TG: variants seen among roughly 807,000 people sequenced by gnomAD.
TG encodes the protein thyroglobulin.
TG carries 270 observed loss-of-function variants against 324.7 expected under a neutral mutation model. The ratio of observed to expected loss-of-function variants is 0.83; its 90% CI spans 0.75 to 0.92. TG has a LOEUF of 0.92. TG is among the 40% of genes least tolerant of loss of function. The pLI is 0.00. For missense variants in TG, 3,591 were observed against 3,456.4 expected, an observed-to-expected ratio of 1.04 and a Z score of -0.98; for synonymous variants, 1,401 against 1,327.0, an observed-to-expected ratio of 1.06 and a Z score of -1.21.
intron 45 of TG, among the ~76,000 whole-genome samples, chr8:133,127,103 C>T (rs1851580240): frequency 6.6e-6 from 1 of 152,154 alleles, no homozygotes; most frequent in Non-Finnish European, 1.5e-5. Flanking sequence ...ATGGCTTCCC[C>T]ATGCAAAACA....
intron 34 of TG, among the ~76,000 whole-genome samples, chr8:132,981,718 C>G (rs1830874894): frequency 6.6e-6 from 1 of 152,238 alleles, no homozygotes; most frequent in Non-Finnish European, 1.5e-5. Context: ...GAATCAGACA[C>G]TCTGGGGTGG....
intron 41 of TG, chr8:133,049,887 G>C (rs1273333963): frequency 1.2e-5 from 19 of 1,538,188 alleles, no homozygotes; most frequent in Non-Finnish European, 1.7e-5. Flanking sequence ...GCTGCCATTT[G>C]AGAAATGTAC....
Position 133,029,341 on chromosome 8 carries a change from G to A in TG, c.7037-480G>A, listed in dbSNP as rs185890847. On this transcript the variant is annotated intron_variant, in intron 40 of 47. Coordinates refer to ENST00000220616, the MANE Select transcript of TG (RefSeq NM_003235.5). Reference sequence around the variant, plus strand: ...TAAAGGCTTCAGATGATGAGGTGAGGGGAAGGGTGGGATCCAGAGCTCCAG... The same window carrying A: ...TAAAGGCTTCAGATGATGAGGTGAGAGGAAGGGTGGGATCCAGAGCTCCAG... Among the ~76,000 whole-genome samples, 326 of 152,232 alleles carry A rather than the reference G, an allele frequency of 2.1e-3. 1 individual carries two copies. The highest frequency in any genetic ancestry group is 7.5e-3 in the African/African-American group (311 of 41,552).
intron 41 of TG, among the ~76,000 whole-genome samples, chr8:133,032,618 T>C (rs1233021435): frequency 6.6e-6 from 1 of 152,250 alleles, no homozygotes; most frequent in Non-Finnish European, 1.5e-5. Context: ...TTATTTGGAA[T>C]TGAGAGAACT....
chr8:133,001,108 T>A lies in TG; in HGVS notation c.6263-10793T>A, dbSNP rs6986262. Among the ~76,000 whole-genome samples the A allele has an allele frequency of 3.8e-3, 584 of 152,248 alleles. 6 individuals carry two copies. Among genetic ancestry groups the A allele is most frequent in the African/African-American group, 0.013 (551 of 41,526 alleles). ...TTTTACAAGGACACCAGACCACCAT[T>A]GGATTAAGGCCTACTCTAATGAACT... On this transcript the variant is annotated intron_variant, in intron 35 of 47. Transcript: ENST00000220616.
intron 43 of TG, among the ~76,000 whole-genome samples, chr8:133,097,960 G>A (rs774466195): frequency 6.6e-6 from 1 of 152,180 alleles, no homozygotes; most frequent in Non-Finnish European, 1.5e-5. Context: ...GTGAGTGTGT[G>A]TGTGTTGCAA....
At chr8:132,976,203 G>C (rs940926751) in intron 34 of TG, among the ~76,000 whole-genome samples, 2 of 152,148 alleles carry the variant, frequency 1.3e-5, no homozygotes, top group African/African-American at 4.8e-5. Context: ...CCACAGACTA[G>C]GTAATTTATA....
At chr8:133,043,857 G>A (rs1047733792) in intron 41 of TG, among the ~76,000 whole-genome samples, 1 of 152,198 alleles carries the variant, frequency 6.6e-6, no homozygotes, top group Non-Finnish European at 1.5e-5. Flanking sequence ...ACCCAGAAGG[G>A]GGAAGATGCT....
At chr8:132,932,731 G>C (rs924925749) in intron 23 of TG, among the ~76,000 whole-genome samples, 1 of 152,126 alleles carries the variant, frequency 6.6e-6, no homozygotes, top group African/African-American at 2.4e-5. Context: ...CTCATTAAGC[G>C]CATGGCCTCC....
chr8:133,109,067 G>A (rs931231522), intron 43 of TG, among the ~76,000 whole-genome samples: 3 of 152,174 alleles, frequency 2.0e-5, no homozygotes, highest in East Asian at 1.9e-4. Flanking sequence ...CAATTTACTC[G>A]GGGTCCTGGA....
At chr8:132,976,356 C>T (rs896775809) in intron 34 of TG, among the ~76,000 whole-genome samples, 7 of 152,196 alleles carry the variant, frequency 4.6e-5, no homozygotes, top group African/African-American at 1.7e-4. Context: ...CCAAACTTGC[C>T]ATTTTATAAT....
chr8:132,872,346 C>T (rs868629126), intron 4 of TG, among the ~76,000 whole-genome samples: 17 of 151,686 alleles, frequency 1.1e-4, no homozygotes, highest in East Asian at 3.9e-4. Flanking sequence ...GGCGTGGTGG[C>T]GGGCACCTGT....
chr8:133,105,824 A>G (rs1849754705), intron 43 of TG, among the ~76,000 whole-genome samples: 2 of 152,126 alleles, frequency 1.3e-5, no homozygotes, highest in Non-Finnish European at 2.9e-5. Flanking sequence ...AATTAGGCTG[A>G]GGCAGAGCTG....
Position 132,935,749 on chromosome 8 carries a change from T to C in TG, c.4933-7T>C, listed in dbSNP as rs1229054897. ...AGGATAATAATGCAGCATCTTTCCATCTCCAGAAACGAGATGCACTGGGGA... is the reference window on the plus strand; with the variant it reads ...AGGATAATAATGCAGCATCTTTCCACCTCCAGAAACGAGATGCACTGGGGA... On this transcript the variant is annotated splice_polypyrimidine_tract_variant and splice_region_variant and intron_variant, in intron 24 of 47. Transcript: ENST00000220616. 1 of 1,609,856 alleles carries C rather than the reference T, an allele frequency of 6.2e-7. No individual in the cohort carries two copies. The highest frequency in any genetic ancestry group is 2.2e-5 in the East Asian group (1 of 44,852).
At chr8:133,006,018 C>A (rs1587741888) in intron 35 of TG, among the ~76,000 whole-genome samples, 1 of 152,210 alleles carries the variant, frequency 6.6e-6, no homozygotes, top group Non-Finnish European at 1.5e-5. Context: ...GGCCTCAGAG[C>A]AAAGGTGCTG....
chr8:132,933,471 C>A, intron 23 of TG, 90 bp from the exon 24 acceptor site: 3 of 776,004 alleles, frequency 3.9e-6, no homozygotes, highest in South Asian at 1.4e-5. Flanking sequence ...TGTGTTTGGG[C>A]ATGTGGGGCA....
chr8:132,941,278 T>C, intron 25 of TG, 73 bp from the exon 26 acceptor site: 1 of 1,553,902 alleles, frequency 6.4e-7, no homozygotes, highest in South Asian at 1.1e-5. Flanking sequence ...AACTGTCCTG[T>C]GAGATCAGTA....
At chr8:132,890,445 C>T (rs1180661298) in intron 10 of TG, among the ~76,000 whole-genome samples, 1 of 152,130 alleles carries the variant, frequency 6.6e-6, no homozygotes, top group Non-Finnish European at 1.5e-5. Context: ...TGGCATTCAC[C>T]TTGGGAACTC....
chr8:132,991,333 C>A (rs1224619313), intron 35 of TG, among the ~76,000 whole-genome samples: 27 of 152,068 alleles, frequency 1.8e-4, no homozygotes, highest in Admixed American at 1.7e-3. Flanking sequence ...CGCTGTGCAC[C>A]AACCCAGGCA....
Sources: allele counts gnomAD v4.1 joint callset (sites outside exome capture counted in the v4.1 genomes callset), GRCh38; gene constraint gnomAD v4.1.1; transcripts MANE v1.5; gene names NCBI Gene and HGNC (gene_info 2026-07-23, HGNC 2026-07-21).